Variants in NRG1 observed in about 807,000 individuals in gnomAD.
NRG1 encodes the protein pro-neuregulin-1, membrane-bound isoform.
Under a neutral mutation model 63.8 loss-of-function variants are expected in NRG1, and 18 were observed. The ratio of observed to expected loss-of-function variants is 0.28; its 90% CI spans 0.19 to 0.42. The LOEUF is 0.42. Ranked by LOEUF, NRG1 falls within the 10% of genes least tolerant of loss-of-function variation. The probability of loss-of-function intolerance (pLI) is 1.00; values close to 1 mark genes in which losing one functional copy is unlikely to be tolerated. For missense variants in NRG1, 762 were observed against 814.7 expected (o/e 0.94, Z 0.79); for synonymous variants, 302 against 301.3 (o/e 1.00, Z -0.02).
intron 1 of NRG1, among the ~76,000 whole-genome samples, chr8:31,958,889 TGTGA>T (rs1410282865): frequency 6.6e-6 from 1 of 152,182 alleles, no homozygotes; most frequent in African/African-American, 2.4e-5. Context: ...TTGTCATGAT[TGTGA>T]GTATTTCGTT....
chr8:32,086,001 A>G (rs956032978), intron 1 of NRG1, among the ~76,000 whole-genome samples: 5 of 152,142 alleles, frequency 3.3e-5, no homozygotes, highest in African/African-American at 1.2e-4. Flanking sequence ...AGAAGAGAGA[A>G]CCCTTCAGGT....
intron 1 of NRG1, among the ~76,000 whole-genome samples, chr8:31,808,238 A>G (rs1400524957): frequency 6.6e-6 from 1 of 151,860 alleles, no homozygotes; most frequent in Middle Eastern, 3.2e-3. Flanking sequence ...TAATAATGGC[A>G]TGTTTACTTT....
intron 1 of NRG1, among the ~76,000 whole-genome samples, chr8:32,344,468 C>T (rs114888102): frequency 0.02 from 2,854 of 146,022 alleles, 111 homozygotes; most frequent in African/African-American, 0.07. Context: ...TCTCACTCTG[C>T]TCGCCCAGGC....
At chr8:32,308,401 C>G (rs1856462009) in intron 1 of NRG1, among the ~76,000 whole-genome samples, 1 of 152,190 alleles carries the variant, frequency 6.6e-6, no homozygotes, top group Non-Finnish European at 1.5e-5. Flanking sequence ...TAGACACTAT[C>G]TCATCCTCTT....
At chr8:31,959,590 T>C (rs1435660625) in intron 1 of NRG1, among the ~76,000 whole-genome samples, 1 of 152,110 alleles carries the variant, frequency 6.6e-6, no homozygotes, top group Non-Finnish European at 1.5e-5. Flanking sequence ...GGTACTATCC[T>C]GAGTTGAAAT....
chr8:32,472,783 G>A (rs902431650), intron 1 of NRG1, among the ~76,000 whole-genome samples: 1 of 152,178 alleles, frequency 6.6e-6, no homozygotes, highest in African/African-American at 2.4e-5. Context: ...TTGTCGTGCG[G>A]GTTCCCCACC....
intron 5 of NRG1, among the ~76,000 whole-genome samples, chr8:32,640,261 A>ACG: frequency 6.6e-6 from 1 of 151,832 alleles, no homozygotes; most frequent in African/African-American, 2.4e-5. Context: ...ACACACACAC[A>ACG]CACACACACA....
intron 1 of NRG1, among the ~76,000 whole-genome samples, chr8:31,782,483 T>G (rs1285963574): frequency 6.6e-6 from 1 of 152,156 alleles, no homozygotes; most frequent in Non-Finnish European, 1.5e-5. Flanking sequence ...GTCTTTAGAA[T>G]GAAGACAGAG....
At chr8:31,882,689 G>A (rs1830443788) in intron 1 of NRG1, among the ~76,000 whole-genome samples, 1 of 152,120 alleles carries the variant, frequency 6.6e-6, no homozygotes, top group Non-Finnish European at 1.5e-5. Context: ...CAGGAGTTTT[G>A]AAGAAGTTGA....
intron 1 of NRG1, among the ~76,000 whole-genome samples, chr8:31,978,480 A>G (rs537618074): frequency 2.0e-5 from 3 of 152,222 alleles, no homozygotes; most frequent in South Asian, 4.1e-4. Flanking sequence ...ATGCCAAATG[A>G]TATATAATTT....
chr8:32,637,289 CCCAGCATGCATAGTATATATATTTTAT>C (rs1312912477), intron 5 of NRG1, among the ~76,000 whole-genome samples: 11 of 152,016 alleles, frequency 7.2e-5, no homozygotes, highest in African/African-American at 2.4e-4. Context: ...CCCCAAATAT[CCCAGCATGCATAGTATATATATTTTAT>C]TACATTGTTT....
chr8:31,907,233 C>T (rs1832594724), intron 1 of NRG1, among the ~76,000 whole-genome samples: 1 of 151,810 alleles, frequency 6.6e-6, no homozygotes, highest in African/African-American at 2.4e-5. Flanking sequence ...GGGTTGATGC[C>T]ACAGGAGGAT....
At chr8:32,693,343 C>G (rs1020460074) in intron 5 of NRG1, among the ~76,000 whole-genome samples, 3 of 151,826 alleles carry the variant, frequency 2.0e-5, no homozygotes, top group Non-Finnish European at 4.4e-5. Flanking sequence ...GTCAGCCTCC[C>G]AAGTAGCTGG....
At chr8:31,689,761 C>T (rs866548030) in intron 1 of NRG1, among the ~76,000 whole-genome samples, 1 of 152,002 alleles carries the variant, frequency 6.6e-6, no homozygotes, top group African/African-American at 2.4e-5. Flanking sequence ...TGATAAAAAC[C>T]AATAAAAATT....
intron 1 of NRG1, among the ~76,000 whole-genome samples, chr8:32,301,173 T>G (rs890657234): frequency 4.6e-5 from 7 of 152,198 alleles, no homozygotes; most frequent in African/African-American, 1.7e-4. Flanking sequence ...TGTGCCTCAG[T>G]GAAGTTTAAA....
chr8:32,313,843 C>G (rs535172016), intron 1 of NRG1, among the ~76,000 whole-genome samples: 1 of 152,252 alleles, frequency 6.6e-6, no homozygotes, highest in South Asian at 2.1e-4. Flanking sequence ...GCATATGTAT[C>G]TCTAATGCAT....
At chr8:31,925,565 AT>A (rs201317157) in intron 1 of NRG1, among the ~76,000 whole-genome samples, 1,603 of 152,076 alleles carry the variant, frequency 0.011, 26 homozygotes, top group African/African-American at 0.037. Flanking sequence ...TTTTATCTCA[AT>A]CTTTATCTCT....
At chr8:32,280,433 C>G (rs1852577952) in intron 1 of NRG1, among the ~76,000 whole-genome samples, 1 of 152,026 alleles carries the variant, frequency 6.6e-6, no homozygotes, top group Non-Finnish European at 1.5e-5. Flanking sequence ...AAATTTGGTT[C>G]GATTTGAAAA....
intron 1 of NRG1, among the ~76,000 whole-genome samples, chr8:32,481,572 C>A (rs983518641): frequency 2.0e-5 from 3 of 152,182 alleles, no homozygotes; most frequent in African/African-American, 7.2e-5. Context: ...CATTTATGGA[C>A]CTAATGGTCA....
Sources: allele counts gnomAD v4.1 joint callset (sites outside exome capture counted in the v4.1 genomes callset), GRCh38; gene constraint gnomAD v4.1.1; transcripts MANE v1.5; gene names NCBI Gene and HGNC (gene_info 2026-07-23, HGNC 2026-07-21).